DPP10: variants seen among roughly 807,000 people sequenced by gnomAD.
The protein encoded by DPP10 is inactive dipeptidyl peptidase 10.
In DPP10, 33 loss-of-function variants were observed where a neutral mutation model predicts 120.9. That is an observed-to-expected ratio of 0.27 (90% CI 0.21 to 0.37). The LOEUF (loss-of-function observed/expected upper bound fraction) is 0.37, where lower values mean the gene tolerates loss of function less well. Ranked by LOEUF, DPP10 falls within the 10% of genes least tolerant of loss-of-function variation. The pLI, the probability that DPP10 is intolerant of heterozygous loss-of-function variation, is 1.00. For synonymous variants in DPP10, 337 were observed against 326.1 expected, an observed-to-expected ratio of 1.03 and a Z score of -0.36; for missense variants, 816 against 942.8, an observed-to-expected ratio of 0.87 and a Z score of 1.76.
chr2:115,463,078 A>G (rs2074092790), intron 3 of DPP10, among the ~76,000 whole-genome samples: 1 of 152,158 alleles, frequency 6.6e-6, no homozygotes, highest in Admixed American at 6.5e-5. Flanking sequence ...ACCTTACACA[A>G]AAAGGGTCAT....
chr2:114,633,896 T>C (rs920423208), intron 1 of DPP10, among the ~76,000 whole-genome samples: 21 of 151,886 alleles, frequency 1.4e-4, no homozygotes, highest in Non-Finnish European at 2.8e-4. Flanking sequence ...ATTACAGTCA[T>C]GAGCTGCCAA....
At chr2:115,818,882 G>T (rs1195854542) in intron 21 of DPP10, among the ~76,000 whole-genome samples, 1 of 151,340 alleles carries the variant, frequency 6.6e-6, no homozygotes, top group Non-Finnish European at 1.5e-5. Flanking sequence ...ATACAAACAA[G>T]TAAAAATATG....
intron 3 of DPP10, among the ~76,000 whole-genome samples, chr2:115,377,986 T>G (rs969722622): frequency 5.9e-5 from 9 of 151,906 alleles, no homozygotes; most frequent in African/African-American, 2.2e-4. Flanking sequence ...TCAGGTAGTG[T>G]GATGCCTCCA....
chr2:114,442,970 C>A, intron 1 of DPP10, 132 bp downstream of exon 1: 1 of 1,105,496 alleles, frequency 9.0e-7, no homozygotes, highest in Non-Finnish European at 1.3e-6. Context: ...AAGGTTGAGT[C>A]ACAATAAAGC....
rs544689870 is a variant in DPP10 at position 114,638,514 on chromosome 2, G to A, written c.60+195676G>A. On this transcript the variant is annotated intron_variant, in intron 1 of 25. Transcript: ENST00000410059. ...GAAGACATATAAGTGGCCAACAAAA[G>A]TGAAGCAAAATGTTCATCATCACTA... 3.3e-5 allele frequency among the ~76,000 whole-genome samples: 5 copies of A among 151,776 alleles called. 1 individual carries two copies. Among genetic ancestry groups the A allele is most frequent in the African/African-American group, 1.2e-4 (5 of 41,156 alleles).
intron 1 of DPP10, among the ~76,000 whole-genome samples, chr2:115,130,512 C>G (rs1433560895): frequency 6.7e-6 from 1 of 148,466 alleles, no homozygotes; most frequent in South Asian, 2.1e-4. Flanking sequence ...ATCCATCCAT[C>G]CATCCATCCA....
intron 1 of DPP10, among the ~76,000 whole-genome samples, chr2:115,132,820 C>G (rs924412082): frequency 6.6e-6 from 1 of 152,048 alleles, no homozygotes; most frequent in South Asian, 2.1e-4. Context: ...ATTGCCCATC[C>G]TATTTTGAGA....
chr2:115,048,964 T>C (rs1163772116), intron 1 of DPP10, among the ~76,000 whole-genome samples: 1 of 152,162 alleles, frequency 6.6e-6, no homozygotes, highest in Non-Finnish European at 1.5e-5. Flanking sequence ...GTAAGTAAAT[T>C]ACATGCAGAG....
At chr2:114,712,354 T>G (rs945605470) in intron 1 of DPP10, among the ~76,000 whole-genome samples, 2 of 152,184 alleles carry the variant, frequency 1.3e-5, no homozygotes, top group South Asian at 4.1e-4. Context: ...GTCTTATATA[T>G]TCATTAACTC....
intron 1 of DPP10, among the ~76,000 whole-genome samples, chr2:114,455,158 G>GTGTT (rs1231541944): frequency 7.3e-6 from 1 of 136,750 alleles, no homozygotes; most frequent in Non-Finnish European, 1.5e-5. Flanking sequence ...TCTTTCTATT[G>GTGTT]TGTGTGTGTG....
intron 2 of DPP10, among the ~76,000 whole-genome samples, chr2:115,334,540 A>G (rs908231854): frequency 2.0e-5 from 3 of 151,828 alleles, no homozygotes; most frequent in African/African-American, 7.2e-5. Context: ...ATAGTTAAAT[A>G]CACTTCTGAA....
chr2:115,238,342 T>C (rs2058101448), intron 1 of DPP10, among the ~76,000 whole-genome samples: 1 of 152,190 alleles, frequency 6.6e-6, no homozygotes, highest in African/African-American at 2.4e-5. Context: ...AGAAACAACA[T>C]TTTCTGTCAA....
At chr2:115,835,013 G>C (rs936312865) in intron 21 of DPP10, among the ~76,000 whole-genome samples, 13 of 152,004 alleles carry the variant, frequency 8.6e-5, no homozygotes, top group African/African-American at 2.7e-4. Context: ...GTGAACCCGG[G>C]GGGCGGAGCT....
At position 114,706,646 on chromosome 2, in the gene DPP10, G is replaced by A. The variant is rs79211916; in HGVS notation, c.60+263808G>A. 5.0e-3 allele frequency among the ~76,000 whole-genome samples: 755 copies of A among 152,202 alleles called. 4 individuals are homozygous for A. The highest frequency in any genetic ancestry group is 0.01 in the Middle Eastern group (3 of 294). On this transcript the variant is annotated intron_variant, in intron 1 of 25. Coordinates refer to ENST00000410059, the MANE Select transcript of DPP10 (RefSeq NM_020868.6). ...TCTAGAACCACATCACCTTGTGATC[G>A]TTAACCTAATTATATCTGCAAAGAC... is the stretch of plus-strand genomic sequence containing the variant.
intron 1 of DPP10, among the ~76,000 whole-genome samples, chr2:114,936,121 G>A (rs748503015): frequency 3.9e-5 from 6 of 152,032 alleles, no homozygotes; most frequent in Non-Finnish European, 8.8e-5. Context: ...CCAACATGTA[G>A]TCTTTTATCC....
chr2:114,853,553 C>T (rs1689138788), intron 1 of DPP10, among the ~76,000 whole-genome samples: 1 of 152,080 alleles, frequency 6.6e-6, no homozygotes, highest in Admixed American at 6.6e-5. Flanking sequence ...ATATCCAATT[C>T]TTTGAAAGGC....
At chr2:115,690,810 C>T (rs559154516) in intron 7 of DPP10, among the ~76,000 whole-genome samples, 1 of 152,284 alleles carries the variant, frequency 6.6e-6, no homozygotes, top group Admixed American at 6.5e-5. Context: ...CTATCCTGTG[C>T]ATGCTCAGAT....
At chr2:114,827,233 T>C (rs571126643) in intron 1 of DPP10, among the ~76,000 whole-genome samples, 1 of 152,316 alleles carries the variant, frequency 6.6e-6, no homozygotes, top group East Asian at 1.9e-4. Context: ...TATGTGGTAA[T>C]CTGGAGAGGT....
chr2:114,512,225 T>C (rs931254054), intron 1 of DPP10, among the ~76,000 whole-genome samples: 2 of 152,206 alleles, frequency 1.3e-5, no homozygotes, highest in Non-Finnish European at 2.9e-5. Context: ...GTTAGTTATA[T>C]AACCAGGGGA....
Sources: gnomAD v4.1 joint callset for allele counts (sites outside exome capture counted in the v4.1 genomes callset) on GRCh38, gnomAD v4.1.1 for gene constraint, MANE v1.5 for transcripts, NCBI Gene and HGNC (gene_info 2026-07-23, HGNC 2026-07-21) for gene names.